Variants in ZNF483 observed in about 807,000 individuals in gnomAD.
ZNF483 encodes the protein zinc finger protein 483.
A neutral mutation model predicts 28.6 loss-of-function variants in ZNF483; 9 were observed. The ratio of observed to expected loss-of-function variants is 0.32; its 90% CI spans 0.19 to 0.55. ZNF483 has a LOEUF of 0.55. Among genes scored for constraint, ZNF483 ranks in the 20% least tolerant of loss-of-function variants. ZNF483 has a pLI of 0.93. For missense variants in ZNF483, 675 were observed against 871.7 expected, an observed-to-expected ratio of 0.77 and a Z score of 2.84; for synonymous variants, 322 against 306.2, an observed-to-expected ratio of 1.05 and a Z score of -0.54.
intron 5 of ZNF483, among the ~76,000 whole-genome samples, chr9:111,561,084 A>AATATATATATATATATAT (rs368827456): frequency 4.9e-5 from 1 of 20,348 alleles, no homozygotes; most frequent in Admixed American, 5.5e-4. Flanking sequence ...CTCCATCTAA[A>AATATATATATATATATAT]ATATATATAT....
rs769555891 is a variant in ZNF483, at chr9:111,554,567, T to A, written c.*11397T>A. Among the ~76,000 whole-genome samples the A allele has an allele frequency of 2.6e-5, 4 of 152,172 alleles. No homozygotes were observed. Among genetic ancestry groups the A allele is most frequent in the Non-Finnish European group, 4.4e-5 (3 of 68,018 alleles). ...GTACCAAACCCTGTATGTTCTATGTTTTGTCAGTCTGATAACCCAAGAAGG... is the reference window on the plus strand; with the variant it reads ...GTACCAAACCCTGTATGTTCTATGTATTGTCAGTCTGATAACCCAAGAAGG... On this transcript the variant is annotated 3_prime_UTR_variant, in exon 6 of 6. Transcript: ENST00000309235.
chr9:111,548,478 G>T lies in ZNF483; in HGVS notation c.*5308G>T, dbSNP rs1163349175. Among the ~76,000 whole-genome samples, 1 of 152,170 alleles carries T rather than the reference G, an allele frequency of 6.6e-6. No homozygotes were observed. The highest frequency in any genetic ancestry group is 1.5e-5 in the Non-Finnish European group (1 of 68,024). ...TGATTTTGTATCTTGCAACTTTGCT[G>T]AATTTGTTTATTAGTCATAATAGTT... On this transcript the variant is annotated 3_prime_UTR_variant, in exon 6 of 6. Coordinates refer to ENST00000309235, the MANE Select transcript of ZNF483 (RefSeq NM_133464.5).
chr9:111,534,374 C>T (rs1023129525), intron 5 of ZNF483, 21 bp downstream of exon 5: 1 of 1,598,376 alleles, frequency 6.3e-7, no homozygotes, highest in African/African-American at 1.3e-5. Flanking sequence ...GAAAAATACA[C>T]AACGAAATTA....
chr9:111,527,282 T>C lies in ZNF483; in HGVS notation c.-114T>C, dbSNP rs1827205620. The C allele has an allele frequency of 1.5e-5, 18 of 1,166,742 alleles. No individual in the cohort carries two copies. The South Asian group carries it at 2.6e-4, about 17-fold the overall frequency. The allele number at this position is 1,166,742 out of a possible 1,614,324, so 72.3% of individuals were successfully genotyped here. On this transcript the variant is annotated 5_prime_UTR_variant, in exon 2 of 6. Coordinates refer to ENST00000309235, the MANE Select transcript of ZNF483 (RefSeq NM_133464.5). ...CTTCTTGACAGTTTCTGCAGGACTG[T>C]AAACTGGATTCCTGGAACCTTTGAT... is the stretch of plus-strand genomic sequence containing the variant.
intron 5 of ZNF483, among the ~76,000 whole-genome samples, chr9:111,534,835 TGCCTCA>T (rs1258308875): frequency 4.0e-5 from 6 of 149,068 alleles, no homozygotes; most frequent in Middle Eastern, 3.5e-3. Context: ...GTGATTCTCC[TGCCTCA>T]GCCTCCTGAG....
chr9:111,556,222 T>A (rs1828116277), downstream of ZNF483, among the ~76,000 whole-genome samples: 1 of 152,246 alleles, frequency 6.6e-6, no homozygotes, highest in Non-Finnish European at 1.5e-5. Flanking sequence ...ATCTAGGGCA[T>A]GCTGATGCAA....
chr9:111,577,246 C>A (rs1483011443), exon 6 of ZNF483: 1 of 152,072 alleles, frequency 6.6e-6, no homozygotes, highest in African/African-American at 2.4e-5. Context: ...AAGTCAAACT[C>A]AAATCAGAAT....
chr9:111,532,074 C>T (rs1827360597), intron 3 of ZNF483, among the ~76,000 whole-genome samples: 2 of 152,148 alleles, frequency 1.3e-5, no homozygotes, highest in South Asian at 2.1e-4. Context: ...TTTGGGAGGC[C>T]GGGGTGGGAG....
In ZNF483 at chr9:111,561,561, C is replaced by T. The variant is rs77384947; in HGVS notation, c.722-14804C>T. On this transcript the variant is annotated intron_variant, in intron 5 of 5. Transcript: ENST00000358151. Reference sequence around the variant, plus strand: ...ACAGGTGTGAGCCACTATGCCTGGCCCTTCAGTAATGTTTTAAGTTTTTCT... The same window carrying T: ...ACAGGTGTGAGCCACTATGCCTGGCTCTTCAGTAATGTTTTAAGTTTTTCT... 7.3e-3 allele frequency among the ~76,000 whole-genome samples: 1,109 copies of T among 152,198 alleles called. 4 individuals carry two copies. The highest frequency in any genetic ancestry group is 0.01 in the Non-Finnish European group (685 of 67,994).
chr9:111,561,179 A>AGAGAGAGAGAGAGAGAGAG, intron 5 of ZNF483, among the ~76,000 whole-genome samples: 1 of 45,542 alleles, frequency 2.2e-5, no homozygotes, highest in South Asian at 6.8e-4. Flanking sequence ...GAGAGAGAGA[A>AGAGAGAGAGAGAGAGAGAG]AGAGAGAGAG....
intron 5 of ZNF483, among the ~76,000 whole-genome samples, chr9:111,567,874 G>A (rs890159285): frequency 3.9e-5 from 6 of 152,122 alleles, no homozygotes; most frequent in Non-Finnish European, 5.9e-5. Flanking sequence ...AAATTGTGAA[G>A]ATTTCATTTT....
chr9:111,554,178 T>C lies in ZNF483; in HGVS notation c.*11008T>C, dbSNP rs2132290313. On this transcript the variant is annotated 3_prime_UTR_variant, in exon 6 of 6. Transcript: ENST00000309235. ...ATCACAAACTACTACTATTATGTTA[T>C]TGGAACTAACTACTTAGCAAATGGA... Among the ~76,000 whole-genome samples the C allele has an allele frequency of 6.6e-6, 1 of 152,326 alleles. No homozygotes were observed. Among genetic ancestry groups the C allele is most frequent in the East Asian group, 1.9e-4 (1 of 5,190 alleles).
At position 111,542,241 on chromosome 9, in the gene ZNF483, GA is replaced by G; in HGVS notation, c.1312del (p.Thr438LeufsTer69). ...LNKDEGNESG[E>X]KTHKCSKCGK... ...TAAAGATGAGGGAAATGAGAGTGGA[GA>G]AAAAACTCATAAATGTAGTAAGTGT... On this transcript the variant is annotated frameshift_variant, in exon 6 of 6. Coordinates refer to ENST00000309235, the MANE Select transcript of ZNF483 (RefSeq NM_133464.5). LOFTEE classifies it low-confidence loss of function (END_TRUNC). This position sits in a 1 kb window ranked among gnomAD's most constrained non-coding sequence, Gnocchi z 6.2. The G allele has an allele frequency of 6.2e-7, 1 of 1,614,056 alleles. No individual in the cohort carries two copies. The highest frequency in any genetic ancestry group is 8.5e-7 in the Non-Finnish European group (1 of 1,179,988).
intron 5 of ZNF483, among the ~76,000 whole-genome samples, chr9:111,567,494 T>C (rs1375287180): frequency 6.6e-6 from 1 of 152,154 alleles, no homozygotes; most frequent in Non-Finnish European, 1.5e-5. Flanking sequence ...CAGACGGCAC[T>C]TTTTAGCAAA....
In ZNF483 at chr9:111,543,356, G is replaced by C; in HGVS notation, c.*186G>C. ...GGCAACGACTGGTAAACAGTAATTAGTTGGTAAAGTCACTGGAAAGGGAAG... is the reference window on the plus strand; with the variant it reads ...GGCAACGACTGGTAAACAGTAATTACTTGGTAAAGTCACTGGAAAGGGAAG... On this transcript the variant is annotated 3_prime_UTR_variant, in exon 6 of 6. Transcript: ENST00000309235. 1 of 1,356,150 alleles carries C rather than the reference G, an allele frequency of 7.4e-7. No individual in the cohort carries two copies. 84.0% of individuals were successfully genotyped at this position (1,356,150 alleles called of 1,614,324 possible).
At chr9:111,533,920 C>T in intron 4 of ZNF483, 55 bp downstream of exon 4, 1 of 1,567,766 alleles carries the variant, frequency 6.4e-7, no homozygotes, top group East Asian at 2.3e-5. Context: ...TCTTTTTGTT[C>T]CCTTTTATTG....
At chr9:111,528,057 T>G (rs1252474436) in intron 2 of ZNF483, 5 of 1,397,306 alleles carry the variant, frequency 3.6e-6, no homozygotes, top group Non-Finnish European at 3.8e-6. Flanking sequence ...TGAGACAAGA[T>G]AGGATATAAT....
At position 111,569,232 on chromosome 9, in the gene ZNF483, C is replaced by T. The variant is rs147077208; in HGVS notation, c.722-7133C>T. On this transcript the variant is annotated intron_variant, in intron 5 of 5. Transcript: ENST00000358151. Reference sequence around the variant, plus strand: ...CAGACGAGCTAACTAAGGGATAGCTCAAGCGTAGATAGAGAAGAGCAAAGT... The same window carrying T: ...CAGACGAGCTAACTAAGGGATAGCTTAAGCGTAGATAGAGAAGAGCAAAGT... 7.4e-4 allele frequency among the ~76,000 whole-genome samples: 112 copies of T among 152,192 alleles called. 1 individual carries two copies. Among genetic ancestry groups the T allele is most frequent in the African/African-American group, 2.3e-3 (97 of 41,518 alleles).
At chr9:111,565,124 CA>C (rs879478393) in intron 5 of ZNF483, among the ~76,000 whole-genome samples, 14 of 146,740 alleles carry the variant, frequency 9.5e-5, no homozygotes, top group African/African-American at 1.2e-4. Flanking sequence ...AACTCCATCT[CA>C]AAAAAAAAAG....
Sources: allele counts gnomAD v4.1 joint callset (sites outside exome capture counted in the v4.1 genomes callset), GRCh38; gene constraint gnomAD v4.1.1; non-coding constraint Gnocchi (gnomAD v3.1); transcripts MANE v1.5; gene names NCBI Gene and HGNC (gene_info 2026-07-23, HGNC 2026-07-21).